KCNH5: variants seen among roughly 807,000 people sequenced by gnomAD.
The protein encoded by KCNH5 is potassium voltage-gated channel subfamily H member 5, also known as voltage-gated delayed rectifier potassium channel KCNH5.
In KCNH5, 46 loss-of-function variants were observed where a neutral mutation model predicts 96.1. That is an observed-to-expected ratio of 0.48 (90% CI 0.38 to 0.61). The LOEUF is 0.61. KCNH5 is among the 20% of genes least tolerant of loss of function. The pLI, the probability that KCNH5 is intolerant of heterozygous loss-of-function variation, is 0.00. For missense variants in KCNH5, 907 were observed against 1,225.8 expected (o/e 0.74, Z 3.88); for synonymous variants, 439 against 449.8 (o/e 0.98, Z 0.30).
At chr14:62,910,941 A>ACACACACACACCC (rs61033705) in intron 7 of KCNH5, among the ~76,000 whole-genome samples, 19 of 140,782 alleles carry the variant, frequency 1.3e-4, no homozygotes, top group South Asian at 7.1e-4. Context: ...ACACACACAC[A>ACACACACACACCC]CCCCTCTGTT....
chr14:62,972,442 T>G (rs958761662), intron 6 of KCNH5, among the ~76,000 whole-genome samples: 3 of 152,232 alleles, frequency 2.0e-5, no homozygotes, highest in African/African-American at 7.2e-5. Flanking sequence ...ACAGACAGTT[T>G]GAAAGTTTCT....
chr14:62,794,464 AC>A (rs1197073114), intron 9 of KCNH5, among the ~76,000 whole-genome samples: 1 of 151,716 alleles, frequency 6.6e-6, no homozygotes. Context: ...TCCTGTACCC[AC>A]CAATTACTTA....
At chr14:62,832,469 G>A (rs75182365) in intron 8 of KCNH5, among the ~76,000 whole-genome samples, 16,500 of 151,998 alleles carry the variant, frequency 0.11, 1,123 homozygotes, top group East Asian at 0.29. Flanking sequence ...ATTATATATC[G>A]TTGTTCGTAT....
chr14:62,930,613 A>G (rs1889562608), intron 7 of KCNH5, among the ~76,000 whole-genome samples: 1 of 152,150 alleles, frequency 6.6e-6, no homozygotes, highest in Non-Finnish European at 1.5e-5. Flanking sequence ...TTTTAGCCCA[A>G]ACACAAACTG....
chr14:62,782,569 G>A (rs1392936054), intron 9 of KCNH5, among the ~76,000 whole-genome samples: 2 of 152,144 alleles, frequency 1.3e-5, no homozygotes, highest in Non-Finnish European at 2.9e-5. Flanking sequence ...AATAACCAAA[G>A]GGAGGCCAAG....
chr14:62,992,278 C>T lies in KCNH5; in HGVS notation c.434-5091G>A, dbSNP rs568742398. ...ATCTTTGCAATTGTGAATAGTGCTG[C>T]AATAAACATATGAGTGCAGGTATCT... On this transcript the variant is annotated intron_variant, in intron 4 of 10. Transcript: ENST00000322893. 7.3e-4 allele frequency among the ~76,000 whole-genome samples: 111 copies of T among 152,138 alleles called. 1 individual carries two copies. The highest frequency in any genetic ancestry group is 1.4e-3 in the Non-Finnish European group (98 of 67,970).
At chr14:62,839,690 C>A (rs1887536501) in intron 8 of KCNH5, among the ~76,000 whole-genome samples, 1 of 152,054 alleles carries the variant, frequency 6.6e-6, no homozygotes, top group Non-Finnish European at 1.5e-5. Context: ...AACACACAGA[C>A]CATTTAATAT....
chr14:62,805,320 A>G (rs1424153536), intron 8 of KCNH5, among the ~76,000 whole-genome samples: 1 of 152,186 alleles, frequency 6.6e-6, no homozygotes, highest in African/African-American at 2.4e-5. Context: ...TTACATTATG[A>G]GTACACCTTT....
chr14:62,750,016 T>C (rs1885462234), intron 10 of KCNH5, among the ~76,000 whole-genome samples: 1 of 152,204 alleles, frequency 6.6e-6, no homozygotes, highest in African/African-American at 2.4e-5. Context: ...GGAAAAGCCT[T>C]GATCCAACCC....
Position 62,707,281 on chromosome 14 carries a change from T to C in KCNH5, c.*227A>G. On this transcript the variant is annotated 3_prime_UTR_variant, in exon 11 of 11. Transcript: ENST00000322893. ...ATAGAATAGAGATTATAAATAAATGTAAAGTGTGCATGCAGTCAACTGCAT... is the reference window on the plus strand; with the variant it reads ...ATAGAATAGAGATTATAAATAAATGCAAAGTGTGCATGCAGTCAACTGCAT... 3.7e-6 allele frequency: 1 copy of C among 267,828 alleles called. No homozygotes were observed. The highest frequency in any genetic ancestry group is 6.8e-6 in the Non-Finnish European group (1 of 146,616). 16.6% of individuals were successfully genotyped at this position (267,828 alleles called of 1,614,324 possible). A position where few individuals can be genotyped will look rare whatever the true frequency, so the allele number is the denominator to read the frequency against.
At chr14:62,994,202 C>T (rs1890865576) in intron 4 of KCNH5, among the ~76,000 whole-genome samples, 1 of 152,050 alleles carries the variant, frequency 6.6e-6, no homozygotes, top group Non-Finnish European at 1.5e-5. Flanking sequence ...TCTGTTGTTT[C>T]CTCTCTAAAG....
intron 8 of KCNH5, among the ~76,000 whole-genome samples, chr14:62,823,696 T>A (rs1887159898): frequency 6.6e-6 from 1 of 152,126 alleles, no homozygotes; most frequent in Non-Finnish European, 1.5e-5. Context: ...CCTTTCTGGC[T>A]AGATAACATC....
intron 3 of KCNH5, 121 bp downstream of exon 3, chr14:63,006,245 C>A: frequency 2.1e-6 from 1 of 480,618 alleles, no homozygotes. Context: ...AACCTCTGCC[C>A]CTGCCAAGAA....
chr14:62,714,642 C>T (rs187755462), intron 10 of KCNH5, among the ~76,000 whole-genome samples: 1 of 151,926 alleles, frequency 6.6e-6, no homozygotes, highest in Admixed American at 6.6e-5. Flanking sequence ...TTTTTTTAAA[C>T]CATGAAGAAA....
chr14:62,743,608 C>G (rs369705532), intron 10 of KCNH5, among the ~76,000 whole-genome samples: 3 of 152,096 alleles, frequency 2.0e-5, no homozygotes, highest in Admixed American at 1.3e-4. Flanking sequence ...TTTCCTGCCT[C>G]ATTTGTGTAG....
Position 62,707,713 on chromosome 14 carries a change from A to T in KCNH5, c.2762T>A (p.Ile921Asn). The change falls in exon 11 of 11, where the codon ATC becomes AAC. Residue 921 changes from isoleucine to asparagine, a missense_variant. Physicochemically the swap from Ile to Asn is moderately radical, Grantham distance 149. Transcript: ENST00000322893. ...AGTCATTCTGCAGCTGAGCAGCTGG[A>T]TGTCCTCTTTGAGTTCGTGTTTGAC... Reference protein sequence around the residue: ...QEVKHELKEDIQLLSCRMTAL... With the variant: ...QEVKHELKEDNQLLSCRMTAL... 6.2e-7 allele frequency: 1 copy of T among 1,605,886 alleles called. No homozygotes were observed. The highest frequency in any genetic ancestry group is 1.1e-5 in the South Asian group (1 of 90,926).
intron 1 of KCNH5, among the ~76,000 whole-genome samples, chr14:63,027,001 T>C (rs993377297): frequency 2.6e-5 from 4 of 152,074 alleles, no homozygotes; most frequent in African/African-American, 9.7e-5. Context: ...ATATGCCTAA[T>C]GAAATATTAT....
chr14:62,875,885 G>A (rs1010459470), intron 7 of KCNH5, among the ~76,000 whole-genome samples: 2 of 151,880 alleles, frequency 1.3e-5, no homozygotes, highest in African/African-American at 2.4e-5. Flanking sequence ...TTTAAGAAAT[G>A]TTGGCCTGGT....
In KCNH5 at chr14:62,899,911, G is replaced by A. The variant is rs72728775; in HGVS notation, c.1370-50059C>T. Among the ~76,000 whole-genome samples, 900 of 152,124 alleles carry A rather than the reference G, an allele frequency of 5.9e-3. 4 individuals are homozygous for A. Among genetic ancestry groups the A allele is most frequent in the Non-Finnish European group, 0.01 (704 of 67,992 alleles). ...CTTGTGTCTAAATGTCTAACCTAAG[G>A]CACATATTTTTTCATATTTTAATAT... On this transcript the variant is annotated intron_variant, in intron 7 of 10. Coordinates refer to ENST00000322893, the MANE Select transcript of KCNH5 (RefSeq NM_139318.5).
Sources: allele counts gnomAD v4.1 joint callset (sites outside exome capture counted in the v4.1 genomes callset), GRCh38; gene constraint gnomAD v4.1.1; transcripts MANE v1.5; gene names NCBI Gene and HGNC (gene_info 2026-07-23, HGNC 2026-07-21).